Variants in TTC39C observed in about 807,000 individuals in gnomAD.
The protein encoded by TTC39C is tetratricopeptide repeat protein 39C.
TTC39C carries 33 observed loss-of-function variants against 76.3 expected under a neutral mutation model. That is an observed-to-expected ratio of 0.43 (90% confidence interval 0.33 to 0.58). TTC39C has a LOEUF of 0.58. Ranked by LOEUF, TTC39C falls within the 20% of genes least tolerant of loss-of-function variation. The probability of loss-of-function intolerance (pLI) is 0.04; values close to 1 mark genes in which losing one functional copy is unlikely to be tolerated. For synonymous variants in TTC39C, 254 were observed against 260.6 expected, an observed-to-expected ratio of 0.97 and a Z score of 0.24; for missense variants, 595 against 701.4, an observed-to-expected ratio of 0.85 and a Z score of 1.71.
At chr18:24,074,311 G>A (rs962530191) in intron 4 of TTC39C, among the ~76,000 whole-genome samples, 7 of 152,170 alleles carry the variant, frequency 4.6e-5, no homozygotes, top group Admixed American at 4.6e-4. Context: ...CTAGAACATG[G>A]TGGGTGGATA....
At chr18:24,021,087 C>CCAG (rs778936794) in intron 1 of TTC39C, among the ~76,000 whole-genome samples, 22 of 152,034 alleles carry the variant, frequency 1.4e-4, no homozygotes, top group Non-Finnish European at 2.1e-4. Flanking sequence ...TCCTATTTAC[C>CCAG]CAGCAGCAGC....
rs979545257 is a variant in TTC39C, at chr18:24,133,986, G to T, written c.*1412G>T. Reference sequence around the variant, plus strand: ...GGCAAATTTTATCTGATTTGACCTTGTTTTGAGGGAATAGTCATAATTTCT... The same window carrying T: ...GGCAAATTTTATCTGATTTGACCTTTTTTTGAGGGAATAGTCATAATTTCT... On this transcript the variant is annotated 3_prime_UTR_variant, in exon 14 of 14. Coordinates refer to ENST00000317571, the MANE Select transcript of TTC39C (RefSeq NM_001135993.2). 6.5e-6 allele frequency: 1 copy of T among 153,006 alleles called. No homozygotes were observed. Among genetic ancestry groups the T allele is most frequent in the Non-Finnish European group, 1.5e-5 (1 of 68,180 alleles). The allele number at this position is 153,006 out of a possible 1,614,324, so 9.5% of individuals were successfully genotyped here.
At chr18:24,008,944 C>T (rs555485940) in intron 1 of TTC39C, among the ~76,000 whole-genome samples, 79 of 152,308 alleles carry the variant, frequency 5.2e-4, no homozygotes, top group African/African-American at 1.7e-3. Context: ...CAAACTCACA[C>T]AGGAGCAGAA....
chr18:24,038,267 C>T (rs999620921), intron 1 of TTC39C, among the ~76,000 whole-genome samples: 1 of 152,172 alleles, frequency 6.6e-6, no homozygotes, highest in Non-Finnish European at 1.5e-5. Flanking sequence ...ACAATCTACA[C>T]AGCATGTAAT....
intron 1 of TTC39C, among the ~76,000 whole-genome samples, chr18:24,043,976 G>A (rs1012010249): frequency 5.3e-5 from 8 of 152,092 alleles, no homozygotes; most frequent in South Asian, 2.1e-4. Context: ...TTACTACCGC[G>A]GATTGGATTT....
chr18:24,070,148 G>A (rs150462478), intron 4 of TTC39C, among the ~76,000 whole-genome samples: 1,747 of 151,788 alleles, frequency 0.012, 20 homozygotes, highest in Non-Finnish European at 0.015. Flanking sequence ...TCTCTGTCTC[G>A]TACGAACGAT....
At chr18:24,079,947 G>A (rs1405410660) in intron 4 of TTC39C, among the ~76,000 whole-genome samples, 1 of 72,394 alleles carries the variant, frequency 1.4e-5, no homozygotes, top group African/African-American at 4.5e-5. Flanking sequence ...GACTACAGGT[G>A]TGCACTACCA....
intron 6 of TTC39C, among the ~76,000 whole-genome samples, chr18:24,100,386 G>C (rs1466757243): frequency 1.3e-5 from 2 of 152,212 alleles, no homozygotes; most frequent in Admixed American, 6.5e-5. Flanking sequence ...CACTCTGGCC[G>C]AGTGACCTTG....
At chr18:24,013,267 T>C (rs2083407900), upstream of TTC39C, among the ~76,000 whole-genome samples, 1 of 152,164 alleles carries the variant, frequency 6.6e-6, no homozygotes, top group South Asian at 2.1e-4. Context: ...AGTGTTCCAG[T>C]TTGTGGTTCC....
At chr18:24,103,475 T>C (rs1482867800) in intron 6 of TTC39C, among the ~76,000 whole-genome samples, 1 of 152,208 alleles carries the variant, frequency 6.6e-6, no homozygotes, top group African/African-American at 2.4e-5. Flanking sequence ...TTGGTCTGCA[T>C]AGCCAGCAGT....
At position 24,125,462 on chromosome 18, in the gene TTC39C, G is replaced by T. The variant is rs762929866; in HGVS notation, c.1332G>T (p.Ala444=). 6.2e-6 allele frequency: 10 copies of T among 1,614,110 alleles called. No individual in the cohort carries two copies. The highest frequency in any genetic ancestry group is 2.2e-5 in the South Asian group (2 of 91,080). The change falls in exon 10 of 14, where the codon GCG becomes GCT. Residue 444 remains alanine, a synonymous_variant. Transcript: ENST00000317571. ...ERFRKQTPTK[A]LCVLASIEVL... The stretch of plus-strand genomic sequence containing the variant: ...TTCGGAAGCAAACCCCAACCAAAGC[G>T]CTCTGTGTGTTGGCGTCTATTGAAG...
intron 1 of TTC39C, among the ~76,000 whole-genome samples, chr18:24,019,560 AT>A (rs1568406547): frequency 6.6e-6 from 1 of 152,268 alleles, no homozygotes; most frequent in African/African-American, 2.4e-5. Context: ...TTTTTGGCGC[AT>A]GTGACAAAGC....
At chr18:24,092,826 T>C (rs1268032347) in intron 6 of TTC39C, among the ~76,000 whole-genome samples, 1 of 152,186 alleles carries the variant, frequency 6.6e-6, no homozygotes, top group Non-Finnish European at 1.5e-5. Context: ...GGCTCACACC[T>C]GTAATCTCAG....
Position 24,133,361 on chromosome 18 carries a change from A to G in TTC39C, c.*787A>G, listed in dbSNP as rs1189428400. On this transcript the variant is annotated 3_prime_UTR_variant, in exon 14 of 14. Coordinates refer to ENST00000317571, the MANE Select transcript of TTC39C (RefSeq NM_001135993.2). ...ACTCTTTTTCCTTTGAAAGCCAACC[A>G]AGTAAGAGCAAATATTAATAGAAGA... 1 of 152,228 alleles carries G rather than the reference A, an allele frequency of 6.6e-6. No individual in the cohort carries two copies. The highest frequency in any genetic ancestry group is 2.4e-5 in the African/African-American group (1 of 41,464). The allele number at this position is 152,228 out of a possible 1,614,324, so 9.4% of individuals were successfully genotyped here. A position where few individuals can be genotyped will look rare whatever the true frequency, so the allele number is the denominator to read the frequency against.
chr18:24,022,648 A>T (rs1407086354), intron 1 of TTC39C: 1 of 985,068 alleles, frequency 1.0e-6, no homozygotes, highest in African/African-American at 1.8e-5. Flanking sequence ...TATCCATCAA[A>T]CCCCCAGAGA....
intron 1 of TTC39C, among the ~76,000 whole-genome samples, chr18:23,993,727 T>C (rs2083238046): frequency 6.6e-6 from 1 of 152,230 alleles, no homozygotes; most frequent in South Asian, 2.1e-4. Context: ...AATGCTATTC[T>C]AGATAATTAT....
chr18:24,080,402 A>G (rs2084361901), intron 4 of TTC39C, among the ~76,000 whole-genome samples, 183 bp from the exon 5 acceptor site: 1 of 152,200 alleles, frequency 6.6e-6, no homozygotes, highest in Non-Finnish European at 1.5e-5. Flanking sequence ...GTGAAGGGAG[A>G]CTGATGAGAA....
chr18:24,064,418 T>G (rs2084141001), intron 2 of TTC39C, among the ~76,000 whole-genome samples: 1 of 152,180 alleles, frequency 6.6e-6, no homozygotes, highest in Non-Finnish European at 1.5e-5. Flanking sequence ...TTAACCAAAG[T>G]CCTTTTTAGA....
intron 1 of TTC39C, among the ~76,000 whole-genome samples, chr18:24,001,949 C>T (rs1002242109): frequency 6.6e-6 from 1 of 151,818 alleles, no homozygotes; most frequent in Admixed American, 6.6e-5. Context: ...CCTCAGCCTC[C>T]CGAGTAGCTG....
Sources: gnomAD v4.1 joint callset for allele counts (sites outside exome capture counted in the v4.1 genomes callset) on GRCh38, gnomAD v4.1.1 for gene constraint, MANE v1.5 for transcripts, NCBI Gene and HGNC (gene_info 2026-07-23, HGNC 2026-07-21) for gene names.